Variants in SHISA9 observed in about 807,000 individuals in gnomAD.
SHISA9 encodes the protein shisa family member 9, also known as protein shisa-9.
SHISA9 carries 13 observed loss-of-function variants against 38.0 expected under a neutral mutation model. The ratio of observed to expected loss-of-function variants is 0.34; its 90% confidence interval spans 0.22 to 0.54. The LOEUF is 0.54. Ranked by LOEUF, SHISA9 falls within the 20% of genes least tolerant of loss-of-function variation. SHISA9 has a pLI of 0.91. For missense variants in SHISA9, 538 were observed against 575.8 expected (o/e 0.93, Z 0.67); for synonymous variants, 275 against 242.0 (o/e 1.14, Z -1.27).
At chr16:13,510,726 T>C in the SHISA9 span, among the ~76,000 whole-genome samples, 2 of 152,214 alleles carry the variant, frequency 1.3e-5, no homozygotes, top group Non-Finnish European at 2.9e-5. Flanking sequence ...TTCCAGCCTA[T>C]AGAAATAATG....
chr16:13,291,105 C>G, the SHISA9 span, among the ~76,000 whole-genome samples: 1 of 152,122 alleles, frequency 6.6e-6, no homozygotes, highest in Admixed American at 6.6e-5. Context: ...GTGTGGGGTA[C>G]TTTGCTTATT....
At chr16:13,296,407 GT>G in the SHISA9 span, among the ~76,000 whole-genome samples, 1 of 151,332 alleles carries the variant, frequency 6.6e-6, no homozygotes, top group Non-Finnish European at 1.5e-5. Context: ...TGTGCGTGCT[GT>G]TTTTGAACAG....
At chr16:13,099,841 CT>C (rs2073861532) in intron 2 of SHISA9, among the ~76,000 whole-genome samples, 1 of 152,198 alleles carries the variant, frequency 6.6e-6, no homozygotes, top group Non-Finnish European at 1.5e-5. Flanking sequence ...CAGAGTTATA[CT>C]TTACAAATCC....
chr16:13,154,104 A>G (rs1308452203), intron 2 of SHISA9, among the ~76,000 whole-genome samples: 2 of 152,156 alleles, frequency 1.3e-5, no homozygotes, highest in Non-Finnish European at 2.9e-5. Flanking sequence ...TTAAGCACCT[A>G]TCATGTGCTG....
chr16:13,064,320 T>C (rs1321421807), intron 2 of SHISA9, among the ~76,000 whole-genome samples: 1 of 152,164 alleles, frequency 6.6e-6, no homozygotes, highest in African/African-American at 2.4e-5. Flanking sequence ...AGCAGCAAAT[T>C]CAGAGACAGG....
the SHISA9 span, among the ~76,000 whole-genome samples, chr16:13,303,204 G>A: frequency 6.6e-6 from 1 of 152,082 alleles, no homozygotes; most frequent in Non-Finnish European, 1.5e-5. Context: ...TAGAGAACTA[G>A]GAACAATTCT....
the SHISA9 span, among the ~76,000 whole-genome samples, chr16:13,290,340 G>T: frequency 4.6e-5 from 7 of 151,978 alleles, no homozygotes; most frequent in African/African-American, 1.7e-4. Context: ...TTCCTGAATT[G>T]GATCTTCTTG....
intron 2 of SHISA9, among the ~76,000 whole-genome samples, chr16:12,997,375 G>A (rs988376157): frequency 1.3e-5 from 2 of 149,488 alleles, no homozygotes; most frequent in Admixed American, 6.7e-5. Context: ...TCCTGTTGAC[G>A]ACATTTGACA....
At chr16:13,271,502 G>A in the SHISA9 span, among the ~76,000 whole-genome samples, 92,327 of 151,920 alleles carry the variant, frequency 0.61, 28,233 homozygotes, top group Admixed American at 0.67. Flanking sequence ...GTACGGTGGT[G>A]AAGGAGTTGA....
At chr16:13,147,335 A>G (rs1168138607) in intron 2 of SHISA9, among the ~76,000 whole-genome samples, 2 of 152,172 alleles carry the variant, frequency 1.3e-5, no homozygotes, top group Non-Finnish European at 2.9e-5. Context: ...TTCTACAACC[A>G]AGGGTTTGCC....
chr16:13,243,564 T>G (rs2051450581), downstream of SHISA9, among the ~76,000 whole-genome samples: 1 of 151,840 alleles, frequency 6.6e-6, no homozygotes, highest in Non-Finnish European at 1.5e-5. Context: ...GGTAGTGGAG[T>G]CCAAAGTTTT....
At chr16:13,516,668 C>T in the SHISA9 span, among the ~76,000 whole-genome samples, 1,429 of 152,046 alleles carry the variant, frequency 9.4e-3, 21 homozygotes, top group African/African-American at 0.033. Flanking sequence ...GGCATGGTGG[C>T]AGGCACCTGT....
intron 2 of SHISA9, among the ~76,000 whole-genome samples, chr16:13,172,995 G>A (rs2050700154): frequency 6.6e-6 from 1 of 151,996 alleles, no homozygotes; most frequent in Non-Finnish European, 1.5e-5. Context: ...AAAGACCAGT[G>A]CATTAGGAGC....
chr16:13,303,689 A>G, the SHISA9 span, among the ~76,000 whole-genome samples: 25 of 152,220 alleles, frequency 1.6e-4, no homozygotes, highest in African/African-American at 5.5e-4. Flanking sequence ...GCTGTACAGC[A>G]TTGTAAATGT....
the SHISA9 span, among the ~76,000 whole-genome samples, chr16:13,316,455 C>T: frequency 6.6e-6 from 1 of 152,128 alleles, no homozygotes; most frequent in Non-Finnish European, 1.5e-5. Flanking sequence ...CAGACGCAAA[C>T]CCATGAGGGA....
At chr16:13,118,730 CTTTTTTTT>C (rs34471353) in intron 2 of SHISA9, among the ~76,000 whole-genome samples, 2 of 130,762 alleles carry the variant, frequency 1.5e-5, no homozygotes, top group Admixed American at 1.6e-4. Flanking sequence ...TTTCTTTTTT[CTTTTTTTT>C]TTTTTTTTGA....
chr16:13,170,239 T>A lies in SHISA9; in HGVS notation c.692-33155T>A, dbSNP rs76197753. On this transcript the variant is annotated intron_variant, in intron 2 of 4. Coordinates refer to ENST00000558583, the MANE Select transcript of SHISA9 (RefSeq NM_001145204.3). ...AAAAAAAGAAAAGAAAAGTAAAATA[T>A]ATGTTCATTTGTTCATTTATTTGTC... 8.0e-4 allele frequency among the ~76,000 whole-genome samples: 121 copies of A among 150,598 alleles called. No individual in the cohort carries two copies. The East Asian group carries it at 0.023, about 29-fold the overall frequency.
intron 2 of SHISA9, among the ~76,000 whole-genome samples, chr16:13,070,417 T>C (rs2073499738): frequency 6.6e-6 from 1 of 152,230 alleles, no homozygotes; most frequent in South Asian, 2.1e-4. Context: ...GGCTGGGACC[T>C]GACTCTGGGT....
chr16:13,390,811 C>G, the SHISA9 span, among the ~76,000 whole-genome samples: 1,400 of 152,266 alleles, frequency 9.2e-3, 26 homozygotes, highest in African/African-American at 0.032. Context: ...ATTTCATGGG[C>G]TGATGAAAAG....
Sources: allele counts gnomAD v4.1 joint callset (sites outside exome capture counted in the v4.1 genomes callset), GRCh38; gene constraint gnomAD v4.1.1; transcripts MANE v1.5; gene names NCBI Gene and HGNC (gene_info 2026-07-23, HGNC 2026-07-21).